Variants in ERC2 observed in about 807,000 individuals in gnomAD.
The protein encoded by ERC2 is ERC protein 2.
ERC2 carries 42 observed loss-of-function variants against 114.8 expected under a neutral mutation model. That is an observed-to-expected ratio of 0.37 (90% CI 0.29 to 0.47). ERC2 has a LOEUF of 0.47. ERC2 is among the 20% of genes least tolerant of loss of function. The pLI is 0.99. For missense variants in ERC2, 939 were observed against 1,150.7 expected (o/e 0.82, Z 2.66); for synonymous variants, 454 against 425.5 (o/e 1.07, Z -0.82).
At chr3:56,095,751 G>C (rs1047318200) in intron 6 of ERC2, among the ~76,000 whole-genome samples, 13 of 152,110 alleles carry the variant, frequency 8.5e-5, no homozygotes, top group Non-Finnish European at 1.5e-4. Flanking sequence ...TTAATTGATT[G>C]CCTGCATTTC....
chr3:56,231,038 T>C (rs1367367416), intron 3 of ERC2, among the ~76,000 whole-genome samples: 3 of 152,242 alleles, frequency 2.0e-5, no homozygotes, highest in Admixed American at 1.3e-4. Context: ...GGAACTATTA[T>C]TACTCCCATT....
chr3:55,915,786 C>G (rs1033688163), intron 13 of ERC2, among the ~76,000 whole-genome samples: 12 of 152,054 alleles, frequency 7.9e-5, no homozygotes, highest in Non-Finnish European at 1.3e-4. Flanking sequence ...GGTGCCTATC[C>G]AGAGGCTTTG....
At chr3:56,174,858 A>G (rs984303320) in intron 3 of ERC2, among the ~76,000 whole-genome samples, 3 of 152,072 alleles carry the variant, frequency 2.0e-5, no homozygotes, top group African/African-American at 7.2e-5. Flanking sequence ...TGTGCCTGTA[A>G]TCCCAGCTAC....
At position 56,271,539 on chromosome 3, in the gene ERC2, G is replaced by A. The variant is rs1371342448; in HGVS notation, c.1074+24480C>T. On this transcript the variant is annotated intron_variant, in intron 3 of 17. Coordinates refer to ENST00000288221, the MANE Select transcript of ERC2 (RefSeq NM_015576.3). ...TTATATGAGAATTAAGTACAATCAC[G>A]GGCCCAAACTAAACTTTCTATTATA... is the stretch of plus-strand genomic sequence containing the variant. Among the ~76,000 whole-genome samples the A allele has an allele frequency of 4.6e-5, 7 of 151,950 alleles. No homozygotes were observed. The East Asian group carries it at 9.6e-4, about 21-fold the overall frequency.
At chr3:56,126,110 A>G (rs2079849283) in intron 6 of ERC2, among the ~76,000 whole-genome samples, 1 of 152,222 alleles carries the variant, frequency 6.6e-6, no homozygotes, top group Admixed American at 6.5e-5. Flanking sequence ...AAAATCCCAG[A>G]TATTACATCA....
At chr3:56,363,474 A>G (rs1016736605) in intron 2 of ERC2, among the ~76,000 whole-genome samples, 3 of 152,230 alleles carry the variant, frequency 2.0e-5, no homozygotes, top group Non-Finnish European at 4.4e-5. Context: ...CAAGGTGTAC[A>G]TGACTGAATT....
intron 17 of ERC2, among the ~76,000 whole-genome samples, chr3:55,566,377 T>G (rs1004194867): frequency 2.0e-5 from 3 of 152,128 alleles, no homozygotes; most frequent in Non-Finnish European, 4.4e-5. Flanking sequence ...AATTATTCAA[T>G]GAATGCTTGC....
chr3:55,517,133 AT>A (rs1225159179), intron 17 of ERC2, among the ~76,000 whole-genome samples: 1 of 152,130 alleles, frequency 6.6e-6, no homozygotes, highest in Non-Finnish European at 1.5e-5. Context: ...TGTAACTAAC[AT>A]TTTTTTAAAA....
Position 55,628,672 on chromosome 3 carries a change from A to T in ERC2, c.*39+55122T>A, listed in dbSNP as rs141806130. 3.3e-3 allele frequency among the ~76,000 whole-genome samples: 500 copies of T among 152,290 alleles called. 2 individuals carry two copies. The highest frequency in any genetic ancestry group is 0.012 in the African/African-American group (483 of 41,556). On this transcript the variant is annotated intron_variant, in intron 17 of 17. Transcript: ENST00000288221. ...TCCAGTCCTAAAGGCTCAGTAGGAAAGGCCTGGGAAAATGTCATTGAAAAA... is the reference window on the plus strand; with the variant it reads ...TCCAGTCCTAAAGGCTCAGTAGGAATGGCCTGGGAAAATGTCATTGAAAAA...
At chr3:56,018,725 A>G (rs1346826192) in intron 8 of ERC2, among the ~76,000 whole-genome samples, 169 bp downstream of exon 8, 1 of 152,216 alleles carries the variant, frequency 6.6e-6, no homozygotes, top group African/African-American at 2.4e-5. Flanking sequence ...TGACTGTAGT[A>G]TGCCAAGTCC....
intron 13 of ERC2, among the ~76,000 whole-genome samples, chr3:55,933,766 G>A (rs1224638322): frequency 6.6e-6 from 1 of 152,126 alleles, no homozygotes; most frequent in Admixed American, 6.5e-5. Context: ...CCAGCCTCTC[G>A]ATTTACAGGA....
chr3:56,248,364 G>C (rs1197230205), intron 3 of ERC2, among the ~76,000 whole-genome samples: 1 of 152,176 alleles, frequency 6.6e-6, no homozygotes, highest in Non-Finnish European at 1.5e-5. Flanking sequence ...AAACTGCTAG[G>C]ATTACAGGTG....
intron 14 of ERC2, among the ~76,000 whole-genome samples, chr3:55,819,709 ATAT>A (rs1270988552): frequency 6.6e-6 from 1 of 152,166 alleles, no homozygotes; most frequent in Non-Finnish European, 1.5e-5. Flanking sequence ...GACAATGATG[ATAT>A]TAGGACGGCA....
chr3:55,898,061 C>G (rs1174665353), intron 13 of ERC2, among the ~76,000 whole-genome samples: 2 of 152,140 alleles, frequency 1.3e-5, no homozygotes, highest in African/African-American at 2.4e-5. Context: ...CTTCTCAGGC[C>G]TATTAACAAA....
intron 3 of ERC2, among the ~76,000 whole-genome samples, chr3:56,252,996 T>C (rs1176476436): frequency 6.6e-6 from 1 of 152,196 alleles, no homozygotes; most frequent in Non-Finnish European, 1.5e-5. Context: ...GTAGCAACTT[T>C]CAGAGTACTT....
chr3:55,955,411 A>G (rs2067885718), intron 12 of ERC2, among the ~76,000 whole-genome samples: 1 of 152,138 alleles, frequency 6.6e-6, no homozygotes, highest in Admixed American at 6.5e-5. Context: ...CCCTCTTCCC[A>G]GAAGTGATCA....
rs540259997 is a variant in ERC2, at chr3:56,222,534, C to A, written c.1075-49014G>T. The stretch of plus-strand genomic sequence containing the variant: ...GCCTTGTCTGACTGTTTAAAATAAG[C>A]TTGGGTGCTCTTGCGTACCACTGCC... On this transcript the variant is annotated intron_variant, in intron 3 of 17. Transcript: ENST00000288221. Among the ~76,000 whole-genome samples, 6 of 152,220 alleles carry A rather than the reference C, an allele frequency of 3.9e-5. No homozygotes were observed. In the East Asian group the frequency reaches 1.2e-3, roughly 30 times the overall value.
chr3:56,263,233 GAGT>G (rs2053061450), intron 3 of ERC2, among the ~76,000 whole-genome samples: 1 of 151,796 alleles, frequency 6.6e-6, no homozygotes, highest in African/African-American at 2.4e-5. Context: ...CAAGATGGTG[GAGT>G]AGGAGACCCC....
intron 13 of ERC2, among the ~76,000 whole-genome samples, chr3:55,897,520 C>T (rs1311880903): frequency 6.6e-6 from 1 of 152,196 alleles, no homozygotes. Flanking sequence ...GAACACAGAA[C>T]CAATGAAATC....
Sources: allele counts gnomAD v4.1 joint callset (sites outside exome capture counted in the v4.1 genomes callset), GRCh38; gene constraint gnomAD v4.1.1; transcripts MANE v1.5; gene names NCBI Gene and HGNC (gene_info 2026-07-23, HGNC 2026-07-21).